Variants in CASD1 observed in about 807,000 individuals in gnomAD.
CASD1 encodes N-acetylneuraminate (7)9-O-acetyltransferase.
Under a neutral mutation model 100.0 loss-of-function variants are expected in CASD1, and 41 were observed. The ratio of observed to expected loss-of-function variants is 0.41; its 90% CI spans 0.32 to 0.53. The LOEUF (loss-of-function observed/expected upper bound fraction) is 0.53, where lower values mean the gene tolerates loss of function less well. Among genes scored for constraint, CASD1 ranks in the 20% least tolerant of loss-of-function variants. The pLI is 0.25. For synonymous variants in CASD1, 321 were observed against 315.6 expected, an observed-to-expected ratio of 1.02 and a Z score of -0.18; for missense variants, 774 against 948.7, an observed-to-expected ratio of 0.82 and a Z score of 2.42.
At chr7:94,579,609 A>G in the CASD1 span, among the ~76,000 whole-genome samples, 10 of 152,310 alleles carry the variant, frequency 6.6e-5, no homozygotes, top group South Asian at 2.1e-4. Context: ...GATTCTGGCA[A>G]ATATCCAACT....
the CASD1 span, chr7:94,598,885 T>C: frequency 1.2e-6 from 2 of 1,613,586 alleles, no homozygotes; most frequent in Non-Finnish European, 1.7e-6. Context: ...ACAGGGGCCA[T>C]GCTATCTCTC....
intron 5 of CASD1, among the ~76,000 whole-genome samples, chr7:94,529,234 G>T (rs1203218853): frequency 6.6e-6 from 1 of 152,076 alleles, no homozygotes; most frequent in Non-Finnish European, 1.5e-5. Flanking sequence ...TCATATTTGT[G>T]CTGGACTGAA....
chr7:94,543,858 G>A (rs888325113), intron 10 of CASD1, among the ~76,000 whole-genome samples: 6 of 152,164 alleles, frequency 3.9e-5, no homozygotes, highest in African/African-American at 1.4e-4. Flanking sequence ...GTAAAGATGT[G>A]ATGCTCTGAA....
At chr7:94,598,726 T>G in the CASD1 span, 1 of 1,241,544 alleles carries the variant, frequency 8.1e-7, no homozygotes, top group Non-Finnish European at 1.2e-6. Flanking sequence ...CAGATATTAG[T>G]AAAAATATAC....
At chr7:94,608,324 C>A in the CASD1 span, among the ~76,000 whole-genome samples, 2 of 151,922 alleles carry the variant, frequency 1.3e-5, no homozygotes, top group East Asian at 3.9e-4. Context: ...CGACAGAGTA[C>A]CCTCCAAAAT....
chr7:94,515,977 A>G (rs914451013), intron 1 of CASD1, among the ~76,000 whole-genome samples: 1 of 152,108 alleles, frequency 6.6e-6, no homozygotes, highest in African/African-American at 2.4e-5. Context: ...CAGAAATGCT[A>G]TTTGTAGAAA....
chr7:94,629,438 T>A, the CASD1 span: 1 of 332,048 alleles, frequency 3.0e-6, no homozygotes, highest in South Asian at 2.9e-5. Flanking sequence ...AGTTTACAGC[T>A]ATAATTATTT....
At chr7:94,554,658 A>C (rs979050069) in intron 17 of CASD1, 83 bp downstream of exon 17, 1 of 807,104 alleles carries the variant, frequency 1.2e-6, no homozygotes, top group Middle Eastern at 2.4e-4. Flanking sequence ...TAAATATCAC[A>C]CATATATGTG....
chr7:94,600,540 T>C, the CASD1 span: 1 of 786,254 alleles, frequency 1.3e-6, no homozygotes, highest in Non-Finnish European at 2.1e-6. Context: ...TTCAATTCAT[T>C]TACAAAGTGT....
At chr7:94,510,969 G>GA (rs1793678502) in intron 1 of CASD1, among the ~76,000 whole-genome samples, 1 of 152,228 alleles carries the variant, frequency 6.6e-6, no homozygotes. Context: ...TAAGCACTTT[G>GA]AAAGCAGGCC....
the CASD1 span, among the ~76,000 whole-genome samples, chr7:94,602,675 C>A: frequency 6.6e-6 from 1 of 151,846 alleles, no homozygotes. Flanking sequence ...ATAAAATATG[C>A]AAACATATGT....
the CASD1 span, among the ~76,000 whole-genome samples, chr7:94,571,722 A>G: frequency 1.1e-4 from 16 of 152,194 alleles, no homozygotes; most frequent in African/African-American, 3.9e-4. Context: ...AGTGAGAGAA[A>G]GGAGACAAAA....
At chr7:94,575,699 T>A in the CASD1 span, among the ~76,000 whole-genome samples, 4 of 152,352 alleles carry the variant, frequency 2.6e-5, no homozygotes, top group Admixed American at 2.6e-4. Flanking sequence ...TTTGTGTTTA[T>A]CTGGGAATGT....
rs1003278178 is a variant in CASD1, at chr7:94,533,262, C to T, written c.504+13C>T. ...AGGAGCTGCCACAGTAAGTTATCAT[C>T]TGTATTCTTACTTAATGATTTTGTT... On this transcript the variant is annotated intron_variant, in intron 6 of 17. Coordinates refer to ENST00000297273, the MANE Select transcript of CASD1 (RefSeq NM_022900.5). 5.6e-6 allele frequency: 9 copies of T among 1,598,300 alleles called. No homozygotes were observed. Among genetic ancestry groups the T allele is most frequent in the Non-Finnish European group, 6.0e-6 (7 of 1,167,844 alleles).
At chr7:94,633,632 A>G in the CASD1 span, among the ~76,000 whole-genome samples, 5 of 152,174 alleles carry the variant, frequency 3.3e-5, no homozygotes, top group Non-Finnish European at 7.4e-5. Context: ...GCAAAAAAAA[A>G]GGGAGCTCAT....
chr7:94,577,944 A>G, the CASD1 span, among the ~76,000 whole-genome samples: 2 of 152,162 alleles, frequency 1.3e-5, no homozygotes, highest in Admixed American at 6.5e-5. Context: ...TTTGGGAGCT[A>G]CCAAACAGCT....
chr7:94,560,980 GAAA>G (rs976963075), downstream of CASD1, among the ~76,000 whole-genome samples: 6 of 152,044 alleles, frequency 3.9e-5, no homozygotes, highest in Non-Finnish European at 8.8e-5. Flanking sequence ...AAACATAATA[GAAA>G]AAATACAAGT....
the CASD1 span, among the ~76,000 whole-genome samples, chr7:94,577,803 C>T: frequency 1.3e-5 from 2 of 152,132 alleles, no homozygotes; most frequent in African/African-American, 4.8e-5. Flanking sequence ...TGTTTTTATA[C>T]TGGGAGAGCT....
At chr7:94,598,721 A>G in the CASD1 span, 1 of 1,157,502 alleles carries the variant, frequency 8.6e-7, no homozygotes. Context: ...CTTTACAGAT[A>G]TTAGTAAAAA....
Sources: allele counts gnomAD v4.1 joint callset (sites outside exome capture counted in the v4.1 genomes callset), GRCh38; gene constraint gnomAD v4.1.1; transcripts MANE v1.5; gene names NCBI Gene and HGNC (gene_info 2026-07-23, HGNC 2026-07-21).